Variants in UBE2F observed in about 807,000 individuals in gnomAD.
The protein encoded by UBE2F is ubiquitin conjugating enzyme E2 F (putative).
A neutral mutation model predicts 29.6 loss-of-function variants in UBE2F; 5 were observed. The ratio of observed to expected loss-of-function variants is 0.17; its 90% CI spans 0.09 to 0.36. The LOEUF is 0.36. Among genes scored for constraint, UBE2F ranks in the 10% least tolerant of loss-of-function variants. UBE2F has a pLI of 1.00. For missense variants in UBE2F, 141 were observed against 228.5 expected, an observed-to-expected ratio of 0.62 and a Z score of 2.47; for synonymous variants, 66 against 81.8, an observed-to-expected ratio of 0.81 and a Z score of 1.04.
rs2063388938 is a variant in UBE2F at position 237,982,012 on chromosome 2, C to T, written c.119-5951C>T. Among the ~76,000 whole-genome samples the T allele has an allele frequency of 6.6e-6, 1 of 152,104 alleles. No individual in the cohort carries two copies. Reference sequence around the variant, plus strand: ...GCTGGGGCATTAGGAGTTTTAAAAGCTCAGCAGGTACTGGATTGTGGTAAT... The same window carrying T: ...GCTGGGGCATTAGGAGTTTTAAAAGTTCAGCAGGTACTGGATTGTGGTAAT... On this transcript the variant is annotated intron_variant, in intron 2 of 9. Coordinates refer to ENST00000272930, the MANE Select transcript of UBE2F (RefSeq NM_080678.3). This position sits in a 1 kb window ranked among gnomAD's most constrained non-coding sequence, Gnocchi z 4.1.
At chr2:238,041,146 G>A (rs1002345823) in intron 9 of UBE2F, 142 bp from the exon 10 acceptor site, 4 of 743,614 alleles carry the variant, frequency 5.4e-6, no homozygotes, top group South Asian at 1.7e-5. Flanking sequence ...CTCAGACTCC[G>A]CAAGGTCCCA....
intron 5 of UBE2F, among the ~76,000 whole-genome samples, chr2:238,017,282 C>G (rs891213040): frequency 1.3e-5 from 2 of 152,154 alleles, no homozygotes; most frequent in Admixed American, 1.3e-4. Flanking sequence ...GGAAAGTGGT[C>G]AGGGCTAGTT....
At chr2:237,981,818 G>A (rs999295679) in intron 2 of UBE2F, among the ~76,000 whole-genome samples, 1 of 151,738 alleles carries the variant, frequency 6.6e-6, no homozygotes, top group Non-Finnish European at 1.5e-5. Flanking sequence ...GTAGAGACAA[G>A]GTTTCGCCAC....
chr2:238,041,297 C>T lies in UBE2F; in HGVS notation c.517C>T (p.Arg173Trp). ...EHHLRDKEDFRNKVDDYIKRY... is the reference protein window; with the variant it reads ...EHHLRDKEDFWNKVDDYIKRY... ...TGCTGTTACTCCACAGGAGGACTTC[C>T]GGAATAAAGTGGATGACTACATCAA... The change falls in exon 10 of 10, where the codon CGG (arginine) becomes TGG (tryptophan). Residue 173 changes from arginine to tryptophan, a missense_variant. Arg to Trp is a moderately radical substitution (Grantham distance 101, BLOSUM62 -3). Coordinates refer to ENST00000272930, the MANE Select transcript of UBE2F (RefSeq NM_080678.3). 3.1e-6 allele frequency: 5 copies of T among 1,613,902 alleles called. No homozygotes were observed. The highest frequency in any genetic ancestry group is 4.2e-6 in the Non-Finnish European group (5 of 1,179,814).
At chr2:238,011,764 C>A (rs937694420) in intron 4 of UBE2F, among the ~76,000 whole-genome samples, 2 of 152,184 alleles carry the variant, frequency 1.3e-5, no homozygotes, top group African/African-American at 2.4e-5. Context: ...TAGATATAAA[C>A]ACTCAGGACT....
chr2:238,041,162 TCTA>T, intron 9 of UBE2F, 123 bp from the exon 10 acceptor site: 1 of 872,748 alleles, frequency 1.1e-6, no homozygotes, highest in African/African-American at 1.6e-5. Context: ...TCCCAGTCCT[TCTA>T]CCACCTTGGC....
At chr2:238,030,297 C>G (rs565232614) in intron 6 of UBE2F, among the ~76,000 whole-genome samples, 1 of 152,258 alleles carries the variant, frequency 6.6e-6, no homozygotes, top group Admixed American at 6.5e-5. Flanking sequence ...TAAACATGCT[C>G]TTCCTCAGCC....
chr2:238,007,873 A>G (rs1431582765), intron 4 of UBE2F, among the ~76,000 whole-genome samples: 2 of 152,146 alleles, frequency 1.3e-5, no homozygotes. Context: ...TTTTGGTGTC[A>G]AGGTAATGCA....
intron 2 of UBE2F, among the ~76,000 whole-genome samples, chr2:237,975,124 A>G (rs1298328970): frequency 1.3e-5 from 2 of 148,414 alleles, no homozygotes; most frequent in Admixed American, 6.7e-5. Context: ...TTTTTTTGAG[A>G]CAGACTCTTA....
chr2:238,007,889 G>A (rs577138630), intron 4 of UBE2F, among the ~76,000 whole-genome samples: 117 of 152,160 alleles, frequency 7.7e-4, no homozygotes, highest in Non-Finnish European at 1.4e-3. Flanking sequence ...ATGCATTCTG[G>A]TCTTTGAATG....
intron 7 of UBE2F, among the ~76,000 whole-genome samples, chr2:238,031,194 C>T (rs976662975): frequency 6.6e-6 from 1 of 152,228 alleles, no homozygotes; most frequent in Non-Finnish European, 1.5e-5. Context: ...CTTAGCCTCT[C>T]CCCACGCTCT....
At chr2:237,987,095 A>G (rs2063493665) in intron 2 of UBE2F, among the ~76,000 whole-genome samples, 1 of 152,216 alleles carries the variant, frequency 6.6e-6, no homozygotes, top group South Asian at 2.1e-4. Context: ...GGACATTTTA[A>G]CAATATTAAT....
At chr2:238,001,485 A>T (rs1159940515) in intron 4 of UBE2F, among the ~76,000 whole-genome samples, 1 of 152,150 alleles carries the variant, frequency 6.6e-6, no homozygotes, top group Non-Finnish European at 1.5e-5. Context: ...TAAATCTTAT[A>T]TAGTTATGTG....
chr2:238,015,129 G>A (rs1402301702), intron 4 of UBE2F, among the ~76,000 whole-genome samples: 1 of 152,134 alleles, frequency 6.6e-6, no homozygotes, highest in Non-Finnish European at 1.5e-5. Flanking sequence ...AAATATAAGA[G>A]GATATTGATA....
chr2:238,013,375 T>G (rs2064084323), intron 4 of UBE2F, among the ~76,000 whole-genome samples: 1 of 152,190 alleles, frequency 6.6e-6, no homozygotes, highest in African/African-American at 2.4e-5. Flanking sequence ...AACCCTACCT[T>G]AATGTGTCGC....
intron 3 of UBE2F, among the ~76,000 whole-genome samples, chr2:237,992,558 C>T (rs1302176468): frequency 1.3e-5 from 2 of 152,206 alleles, no homozygotes; most frequent in South Asian, 4.1e-4. Context: ...ACCCCACTAT[C>T]AGTCCTGTGT....
intron 5 of UBE2F, among the ~76,000 whole-genome samples, chr2:238,024,631 T>C (rs2064373293): frequency 6.6e-6 from 1 of 152,048 alleles, no homozygotes; most frequent in Admixed American, 6.6e-5. Context: ...TTCTCCTGGG[T>C]ATCTATCATT....
chr2:237,968,156 C>T (rs1330446165), intron 1 of UBE2F, among the ~76,000 whole-genome samples: 1 of 152,012 alleles, frequency 6.6e-6, no homozygotes, highest in Non-Finnish European at 1.5e-5. Context: ...CAGAGGAATC[C>T]TGGCTGAGGA....
chr2:238,029,895 T>C (rs529753502), intron 6 of UBE2F, among the ~76,000 whole-genome samples: 9 of 152,312 alleles, frequency 5.9e-5, no homozygotes, highest in Admixed American at 3.9e-4. Flanking sequence ...TAAGCTTCAG[T>C]TACTCCTGTT....
Sources: gnomAD v4.1 joint callset for allele counts (sites outside exome capture counted in the v4.1 genomes callset) on GRCh38, gnomAD v4.1.1 for gene constraint, Gnocchi (gnomAD v3.1) non-coding constraint, MANE v1.5 for transcripts, NCBI Gene and HGNC (gene_info 2026-07-23, HGNC 2026-07-21) for gene names.